PKP2: variants seen among roughly 807,000 people sequenced by gnomAD.
The protein encoded by PKP2 is plakophilin-2.
In PKP2, 73 loss-of-function variants were observed where a neutral mutation model predicts 83.4. The ratio of observed to expected loss-of-function variants is 0.88; its 90% CI spans 0.72 to 1.06. The LOEUF is 1.06. Ranked by LOEUF, PKP2 falls within the 50% of genes least tolerant of loss-of-function variation. The pLI is 0.00. For missense variants in PKP2, 966 were observed against 1,065.4 expected (o/e 0.91, Z 1.30); for synonymous variants, 409 against 430.4 (o/e 0.95, Z 0.62).
At chr12:32,810,815 G>A (rs1956270498) in intron 9 of PKP2, among the ~76,000 whole-genome samples, 1 of 34,166 alleles carries the variant, frequency 2.9e-5, no homozygotes, top group African/African-American at 6.0e-5. Context: ...CCGAGTAGCT[G>A]GGACTACAGG....
At chr12:32,866,626 A>G (rs1485233055) in intron 4 of PKP2, among the ~76,000 whole-genome samples, 1 of 152,008 alleles carries the variant, frequency 6.6e-6, no homozygotes, top group East Asian at 1.9e-4. Context: ...AAACCACAGT[A>G]AAACACCTGT....
chr12:32,842,348 TG>T (rs1444546749), intron 5 of PKP2, among the ~76,000 whole-genome samples: 30 of 152,254 alleles, frequency 2.0e-4, no homozygotes, highest in Middle Eastern at 3.4e-3. Flanking sequence ...GTTCAAGCAA[TG>T]CTCCTGCCTC....
intron 5 of PKP2, among the ~76,000 whole-genome samples, chr12:32,848,501 A>C (rs1956668540): frequency 6.6e-6 from 1 of 152,132 alleles, no homozygotes; most frequent in Non-Finnish European, 1.5e-5. Flanking sequence ...CAGAATTTAA[A>C]ATGTGATATT....
intron 6 of PKP2, among the ~76,000 whole-genome samples, chr12:32,830,807 G>A (rs1956493692): frequency 6.6e-6 from 1 of 151,958 alleles, no homozygotes; most frequent in South Asian, 2.1e-4. Flanking sequence ...TTGGGAGGCT[G>A]AGGCAGGAGA....
intron 1 of PKP2, among the ~76,000 whole-genome samples, chr12:32,889,117 G>A (rs775475943): frequency 3.3e-5 from 5 of 152,096 alleles, no homozygotes; most frequent in Non-Finnish European, 7.3e-5. Context: ...TGCCTATAAG[G>A]GACACAACTG....
rs727503371 is a variant in PKP2, at chr12:32,824,071, T to C, written c.1648A>G (p.Ile550Val). Reference sequence around the variant, plus strand: ...TTGTCATCTGGCTGGTAATCTGCAATGGTTCCTCTGACATAATGGACCAGT... The same window carrying C: ...TTGTCATCTGGCTGGTAATCTGCAACGGTTCCTCTGACATAATGGACCAGT... ...DSLVHYVRGT[I>V]ADYQPDDKAT... is the part of the protein sequence containing the mutation. The change falls in exon 7 of 13, where the codon ATT becomes GTT. Residue 550 changes from isoleucine (I) to valine (V), a missense_variant. Physicochemically the swap from Ile to Val is conservative, Grantham distance 29. Transcript: ENST00000340811. The C allele has an allele frequency of 1.2e-6, 2 of 1,604,034 alleles. No individual in the cohort carries two copies. Among genetic ancestry groups the C allele is most frequent in the Non-Finnish European group, 1.7e-6 (2 of 1,171,060 alleles).
intron 4 of PKP2, among the ~76,000 whole-genome samples, chr12:32,858,191 C>A (rs1256063199): frequency 1.4e-5 from 2 of 138,722 alleles, no homozygotes; most frequent in Non-Finnish European, 3.0e-5. Flanking sequence ...GCCTGTGGTC[C>A]CAGCTACTTG....
At chr12:32,809,084 G>A (rs1368347286) in intron 9 of PKP2, among the ~76,000 whole-genome samples, 1 of 152,174 alleles carries the variant, frequency 6.6e-6, no homozygotes, top group Admixed American at 6.5e-5. Context: ...TCCTCATCTG[G>A]ACTGCCCAGA....
intron 1 of PKP2, among the ~76,000 whole-genome samples, chr12:32,881,632 T>C (rs58930081): frequency 0.042 from 6,343 of 152,148 alleles, 436 homozygotes; most frequent in African/African-American, 0.14. Context: ...TATAAGTAAG[T>C]TGAAAGCAAC....
At chr12:32,864,733 A>G (rs1229294938) in intron 4 of PKP2, among the ~76,000 whole-genome samples, 1 of 152,228 alleles carries the variant, frequency 6.6e-6, no homozygotes, top group Non-Finnish European at 1.5e-5. Flanking sequence ...ACTTTGAAAA[A>G]GAATAAAATG....
At chr12:32,892,884 A>G (rs1957087974) in intron 1 of PKP2, among the ~76,000 whole-genome samples, 1 of 144,120 alleles carries the variant, frequency 6.9e-6, no homozygotes, top group Non-Finnish European at 1.5e-5. Flanking sequence ...TAGGATATGG[A>G]TGCTTTTAAT....
intron 4 of PKP2, among the ~76,000 whole-genome samples, chr12:32,862,162 G>C (rs1956805263): frequency 6.6e-6 from 1 of 152,140 alleles, no homozygotes; most frequent in African/African-American, 2.4e-5. Flanking sequence ...CCTCCAAAGG[G>C]CTGGGATTAC....
At chr12:32,851,997 G>A (rs529863506) in intron 4 of PKP2, among the ~76,000 whole-genome samples, 1 of 152,186 alleles carries the variant, frequency 6.6e-6, no homozygotes, top group African/African-American at 2.4e-5. Flanking sequence ...AATCTAAGCA[G>A]GGAGATTTTC....
chr12:32,851,968 G>C (rs16920309), intron 4 of PKP2, among the ~76,000 whole-genome samples: 20,717 of 152,174 alleles, frequency 0.14, 1,614 homozygotes, highest in African/African-American at 0.19. Flanking sequence ...ATTGATCTAA[G>C]AAGGGGCCAA....
rs752195586 is a variant in PKP2, at chr12:32,792,467, A to T, written c.2471T>A (p.Val824Asp). ...KKAQFKKTDF[V>D]NSRTAKAYHS... ...GTAGGCTTTGGCAGTCCGGCTGTTG[A>T]CAAAATCTGTCTTCTTAAACTGAGC... Residue 824 changes from valine to aspartate, a missense_variant, in exon 13 of 13, where the codon GTC (valine) becomes GAC (aspartate). Coordinates refer to ENST00000340811, the MANE Select transcript of PKP2 (RefSeq NM_001005242.3). 5 of 1,613,940 alleles carry T rather than the reference A, an allele frequency of 3.1e-6. No homozygotes were observed. The highest frequency in any genetic ancestry group is 3.4e-6 in the Non-Finnish European group (4 of 1,179,822).
At chr12:32,823,322 CAGG>C (rs1956400688) in intron 7 of PKP2, among the ~76,000 whole-genome samples, 1 of 149,064 alleles carries the variant, frequency 6.7e-6, no homozygotes, top group Admixed American at 6.8e-5. Context: ...GAAGCTGAGG[CAGG>C]AGAATTGCTT....
intron 6 of PKP2, among the ~76,000 whole-genome samples, chr12:32,826,248 G>A (rs1361813804): frequency 6.8e-6 from 1 of 147,288 alleles, no homozygotes; most frequent in Non-Finnish European, 1.5e-5. Context: ...GGAGCTTGCA[G>A]TGAGCCGAGA....
chr12:32,894,776 G>A (rs576669555), intron 1 of PKP2: 1 of 152,164 alleles, frequency 6.6e-6, no homozygotes, highest in African/African-American at 2.4e-5. Flanking sequence ...TTTAGCACTG[G>A]ACCTATGGGC....
intron 4 of PKP2, chr12:32,863,232 G>T: frequency 4.1e-6 from 1 of 242,878 alleles, no homozygotes; most frequent in East Asian, 1.1e-4. Context: ...AATTCTACTT[G>T]GGCAAGAGAT....
Sources: gnomAD v4.1 joint callset for allele counts (sites outside exome capture counted in the v4.1 genomes callset) on GRCh38, gnomAD v4.1.1 for gene constraint, MANE v1.5 for transcripts, NCBI Gene and HGNC (gene_info 2026-07-23, HGNC 2026-07-21) for gene names.